The following SUB1 variants were observed in gnomAD, a reference collection of about 807,000 sequenced individuals.
SUB1 encodes the protein SUB1 regulator of transcription.
Under a neutral mutation model 16.9 loss-of-function variants are expected in SUB1, and 1 was observed. That is an observed-to-expected ratio of 0.06 (90% CI 0.02 to 0.28). SUB1 has a LOEUF of 0.28. SUB1 is among the 10% of genes least tolerant of loss of function. The pLI, the probability that SUB1 is intolerant of heterozygous loss-of-function variation, is 1.00. For missense variants in SUB1, 84 were observed against 145.2 expected (o/e 0.58, Z 2.16); for synonymous variants, 51 against 46.9 (o/e 1.09, Z -0.36).
At chr5:32,600,572 A>G (rs1276917272) in intron 4 of SUB1, among the ~76,000 whole-genome samples, 1 of 151,390 alleles carries the variant, frequency 6.6e-6, no homozygotes, top group Non-Finnish European at 1.5e-5. Context: ...AAGAGATATG[A>G]TTTTCAGTAT....
chr5:32,591,655 C>T lies in SUB1; in HGVS notation c.165C>T (p.Ser55=). 1 of 1,588,344 alleles carries T rather than the reference C, an allele frequency of 6.3e-7. No homozygotes were observed. Among genetic ancestry groups the T allele is most frequent in the Non-Finnish European group, 8.5e-7 (1 of 1,169,594 alleles). The change falls in exon 3 of 5, where the codon AGC becomes AGT. Residue 55 remains serine (S), a synonymous_variant. Transcript: ENST00000265073. ...GAGCCCTGTCATCTTCTAAACAGAG[C>T]AGCAGCAGCAGAGATGATAACATGT... ...TSRALSSSKQ[S]SSSRDDNMFQ... is the part of the protein sequence containing the mutation.
chr5:32,595,776 A>C (rs1738946120), intron 3 of SUB1: 1 of 152,228 alleles, frequency 6.6e-6, no homozygotes, highest in Non-Finnish European at 1.5e-5. Context: ...GGTACTACTT[A>C]GGAGATTCCA....
rs947978617 is a variant in SUB1, at chr5:32,595,147, T to A, written c.195+3462T>A. 3 of 152,076 alleles carry A rather than the reference T, an allele frequency of 2.0e-5. No homozygotes were observed. The South Asian group carries it at 6.2e-4, about 32-fold the overall frequency. 9.4% of individuals were successfully genotyped at this position (152,076 alleles called of 1,614,324 possible). On this transcript the variant is annotated intron_variant, in intron 3 of 4. Coordinates refer to ENST00000265073, the MANE Select transcript of SUB1 (RefSeq NM_006713.4). ...AGAATTTGTCAGTTTTACTCTTTTT[T>A]TCCCCCCAAGGGAGAGGCAGCTGTT... is the stretch of plus-strand genomic sequence containing the variant.
intron 2 of SUB1, among the ~76,000 whole-genome samples, chr5:32,588,960 TGTTGAGCATCA>T (rs1168433125): frequency 6.6e-6 from 1 of 152,224 alleles, no homozygotes; most frequent in African/African-American, 2.4e-5. Context: ...ACAAGTCTTC[TGTTGAGCATCA>T]TTAGGAACCC....
chr5:32,603,670 C>T lies in SUB1; in HGVS notation c.*2586C>T, dbSNP rs1412113714. 1.3e-5 allele frequency: 2 copies of T among 152,090 alleles called. No individual in the cohort carries two copies. Among genetic ancestry groups the T allele is most frequent in the Admixed American group, 6.6e-5 (1 of 15,254 alleles). 9.4% of individuals were successfully genotyped at this position (152,090 alleles called of 1,614,324 possible). On this transcript the variant is annotated 3_prime_UTR_variant, in exon 5 of 5. Coordinates refer to ENST00000265073, the MANE Select transcript of SUB1 (RefSeq NM_006713.4). ...ACGATCAAATCTATTCTACATAATG[C>T]GTTTAGAAACAAAGACTTGGGTGAA...
At chr5:32,600,570 T>C (rs984767800) in intron 4 of SUB1, among the ~76,000 whole-genome samples, 15 of 152,062 alleles carry the variant, frequency 9.9e-5, no homozygotes, top group African/African-American at 2.2e-4. Context: ...GTAAGAGATA[T>C]GATTTTCAGT....
chr5:32,600,562 A>C (rs1022941925), intron 4 of SUB1, among the ~76,000 whole-genome samples: 1 of 152,258 alleles, frequency 6.6e-6, no homozygotes, highest in South Asian at 2.1e-4. Context: ...TAACAAATGT[A>C]AGAGATATGA....
intron 1 of SUB1, 106 bp from the exon 2 acceptor site, chr5:32,588,406 T>G: frequency 5.1e-6 from 5 of 978,402 alleles, no homozygotes; most frequent in Non-Finnish European, 6.0e-6. Context: ...AATGGTAGAA[T>G]GAACCGTGGA....
rs1373256006 is a variant in SUB1, at chr5:32,602,961, C to T, written c.*1877C>T. ...CGGAAAGGGTAGTTCGAGTACAGAA[C>T]TTTGATTTTTGGTGTAGATGCAGAG... is the stretch of plus-strand genomic sequence containing the variant. On this transcript the variant is annotated 3_prime_UTR_variant, in exon 5 of 5. Transcript: ENST00000265073. 6.6e-6 allele frequency: 1 copy of T among 151,980 alleles called. No individual in the cohort carries two copies. The highest frequency in any genetic ancestry group is 1.5e-5 in the Non-Finnish European group (1 of 67,970). 9.4% of individuals were successfully genotyped at this position (151,980 alleles called of 1,614,324 possible).
In SUB1 at chr5:32,600,778, AT is replaced by A. The variant is rs757096309; in HGVS notation, c.305-222del. ...ACCACCATGCCCGGCTAATTTTTGT[AT>A]TTTTAGTAGAGATGGGGTTTCACCA... is the stretch of plus-strand genomic sequence containing the variant. On this transcript the variant is annotated intron_variant, in intron 4 of 4. Transcript: ENST00000265073. 9.9e-5 allele frequency among the ~76,000 whole-genome samples: 15 copies of A among 151,938 alleles called. No homozygotes were observed. The South Asian group carries it at 2.1e-3, about 21-fold the overall frequency.
intron 1 of SUB1, chr5:32,586,414 T>C (rs1451494153): frequency 6.6e-6 from 1 of 152,326 alleles, no homozygotes; most frequent in Non-Finnish European, 1.5e-5. Context: ...GCGTTTTGTA[T>C]AAATTCTACA....
chr5:32,592,421 A>G (rs16889950), intron 3 of SUB1, among the ~76,000 whole-genome samples: 20,497 of 152,200 alleles, frequency 0.13, 3,507 homozygotes, highest in African/African-American at 0.4. Flanking sequence ...GAAATCACCT[A>G]GAGAGGACTC....
At chr5:32,586,084 G>A (rs1738657139) in intron 1 of SUB1, 1 of 152,400 alleles carries the variant, frequency 6.6e-6, no homozygotes, top group African/African-American at 2.4e-5. Context: ...AACGGCTGAT[G>A]TGCAGGGGGA....
chr5:32,592,032 T>C (rs1043956872), intron 3 of SUB1, among the ~76,000 whole-genome samples: 2 of 152,244 alleles, frequency 1.3e-5, no homozygotes, highest in African/African-American at 4.8e-5. Context: ...AGAGGAATTA[T>C]TATCTGGCTT....
At chr5:32,599,146 T>G (rs1739053389) in intron 4 of SUB1, 77 bp downstream of exon 4, 12 of 1,036,294 alleles carry the variant, frequency 1.2e-5, no homozygotes. Flanking sequence ...ACTTGAAATG[T>G]TGGCAGGACA....
At chr5:32,596,492 G>GT (rs1352006017) in intron 3 of SUB1, 1 of 152,106 alleles carries the variant, frequency 6.6e-6, no homozygotes, top group Non-Finnish European at 1.5e-5. Flanking sequence ...TTTTGCCAGT[G>GT]TTTTTTCCTA....
chr5:32,591,956 C>T (rs1204496126), intron 3 of SUB1, among the ~76,000 whole-genome samples: 3 of 152,178 alleles, frequency 2.0e-5, no homozygotes, highest in Non-Finnish European at 4.4e-5. Flanking sequence ...CCTCAGCCTC[C>T]AAAAGTGCTG....
rs912508431 is a variant in SUB1, at chr5:32,603,228, T to C, written c.*2144T>C. On this transcript the variant is annotated 3_prime_UTR_variant, in exon 5 of 5. Coordinates refer to ENST00000265073, the MANE Select transcript of SUB1 (RefSeq NM_006713.4). Reference sequence around the variant, plus strand: ...CTGAAATTATTAATCAGTTTGTGTATAGGAAAAGAGAACTGGGTTAAAAGC... The same window carrying C: ...CTGAAATTATTAATCAGTTTGTGTACAGGAAAAGAGAACTGGGTTAAAAGC... The C allele has an allele frequency of 6.6e-6, 1 of 152,144 alleles. No individual in the cohort carries two copies. The highest frequency in any genetic ancestry group is 1.5e-5 in the Non-Finnish European group (1 of 67,984). 9.4% of individuals were successfully genotyped at this position (152,144 alleles called of 1,614,324 possible).
In SUB1 at chr5:32,600,672, T is replaced by G. The variant is rs1211351575; in HGVS notation, c.305-333T>G. On this transcript the variant is annotated intron_variant, in intron 4 of 4. Transcript: ENST00000265073. Reference sequence around the variant, plus strand: ...AGGCTGGAGTGCAGTGGCATGATCTTGGCTCACTGTAACTTCCACCTCCCA... The same window carrying G: ...AGGCTGGAGTGCAGTGGCATGATCTGGGCTCACTGTAACTTCCACCTCCCA... 2.0e-5 allele frequency among the ~76,000 whole-genome samples: 3 copies of G among 151,992 alleles called. No homozygotes were observed. In the East Asian group the frequency reaches 5.8e-4, roughly 29 times the overall value.
Sources: allele counts gnomAD v4.1 joint callset (sites outside exome capture counted in the v4.1 genomes callset), GRCh38; gene constraint gnomAD v4.1.1; transcripts MANE v1.5; gene names NCBI Gene and HGNC (gene_info 2026-07-23, HGNC 2026-07-21).